The following CFAP53 variants were observed in gnomAD, a reference collection of about 807,000 sequenced individuals.
CFAP53 encodes the protein cilia and flagella associated protein 53.
Under a neutral mutation model 59.7 loss-of-function variants are expected in CFAP53, and 62 were observed. The observed-to-expected ratio is 1.04, with a 90% confidence interval of 0.85 to 1.28. CFAP53 has a LOEUF of 1.28. Among genes scored for constraint, CFAP53 ranks in the 50% most tolerant of loss-of-function variants. The pLI, the probability that CFAP53 is intolerant of heterozygous loss-of-function variation, is 0.00. For synonymous variants in CFAP53, 218 were observed against 205.7 expected, an observed-to-expected ratio of 1.06 and a Z score of -0.51; for missense variants, 629 against 615.6, an observed-to-expected ratio of 1.02 and a Z score of -0.23.
At chr18:50,262,777 T>C (rs1186272057) in intron 1 of CFAP53, among the ~76,000 whole-genome samples, 3 of 152,198 alleles carry the variant, frequency 2.0e-5, no homozygotes, top group African/African-American at 4.8e-5. Context: ...TATATGGATA[T>C]ATAACGAGTT....
At chr18:50,243,181 T>TA (rs56164126) in intron 5 of CFAP53, 65 bp from the exon 6 acceptor site, 345,134 of 1,040,502 alleles carry the variant, frequency 0.33, 65,583 homozygotes, top group Non-Finnish European at 0.38. Flanking sequence ...AGGATACATT[T>TA]AAAAAAAATC....
At chr18:50,264,828 C>T (rs191904281) in intron 1 of CFAP53, among the ~76,000 whole-genome samples, 2 of 152,306 alleles carry the variant, frequency 1.3e-5, no homozygotes, top group East Asian at 1.9e-4. Context: ...ATGGCTCAGC[C>T]CCTGAGCCCA....
rs369588820 is a variant in CFAP53 at position 50,250,781 on chromosome 18, C to T, written c.973G>A (p.Ala325Thr). ...QRALQDLQEE[A>T]DKKKQKREDM... is the part of the protein sequence containing the mutation. ...ACTCTTTTTTGTTTCTTTTTATCTG[C>T]CTCTTCCTGTAAGTCTTGAAGGGCC... Residue 325 changes from alanine to threonine, a missense_variant, in exon 5 of 8, where the codon GCA becomes ACA. By Grantham distance (58) the Ala-to-Thr change is moderately conservative. Coordinates refer to ENST00000398545, the MANE Select transcript of CFAP53 (RefSeq NM_145020.5). The T allele has an allele frequency of 6.2e-7, 1 of 1,614,042 alleles. No individual in the cohort carries two copies. The highest frequency in any genetic ancestry group is 1.3e-5 in the African/African-American group (1 of 74,926).
rs761556250 is a variant in CFAP53 at position 50,262,028 on chromosome 18, CACA to C, written c.258_260del (p.Val87del). The C allele has an allele frequency of 4.3e-6, 7 of 1,613,972 alleles. No homozygotes were observed. The highest frequency in any genetic ancestry group is 4.2e-6 in the Non-Finnish European group (5 of 1,179,956). On this transcript the variant is annotated inframe_deletion, in exon 2 of 8. Coordinates refer to ENST00000398545, the MANE Select transcript of CFAP53 (RefSeq NM_145020.5). ...CTTCAATGTTAATGATAAACCCTTG[CACA>C]GCATCCTTGATTCTTGCTCGCACAA...
chr18:50,233,947 G>C (rs1173950468), intron 7 of CFAP53, among the ~76,000 whole-genome samples: 1 of 152,242 alleles, frequency 6.6e-6, no homozygotes, highest in African/African-American at 2.4e-5. Flanking sequence ...TGACGGAGCA[G>C]ATTGGGAAGG....
intron 7 of CFAP53, among the ~76,000 whole-genome samples, chr18:50,228,963 G>A (rs917076645): frequency 6.6e-6 from 1 of 152,170 alleles, no homozygotes; most frequent in East Asian, 1.9e-4. Flanking sequence ...AGCCAGGCAT[G>A]GTGGCATGTG....
chr18:50,241,939 C>A (rs2033693911), intron 6 of CFAP53, among the ~76,000 whole-genome samples: 1 of 152,092 alleles, frequency 6.6e-6, no homozygotes, highest in Admixed American at 6.5e-5. Context: ...TGCAGGAGAC[C>A]AGGGCATATT....
rs774717112 is a variant in CFAP53 at position 50,227,473 on chromosome 18, C to T, written c.1453G>A (p.Asp485Asn). ...GTGGACAGGACCTCCTGGACCTTGT[C>T]CAAACACATCTTGTTTGCTGCTACA... ...AGVAANKMCL[D>N]KVQEVLSTHQ... The change falls in exon 8 of 8, where the codon GAC (aspartate) becomes AAC (asparagine). Residue 485 changes from aspartate (D) to asparagine (N), a missense_variant. By Grantham distance (23) the Asp-to-Asn change is conservative. Transcript: ENST00000398545. 6.2e-7 allele frequency: 1 copy of T among 1,614,148 alleles called. No individual in the cohort carries two copies. Among genetic ancestry groups the T allele is most frequent in the South Asian group, 1.1e-5 (1 of 91,064 alleles).
At chr18:50,237,381 C>CAT (rs1568151586) in intron 7 of CFAP53, among the ~76,000 whole-genome samples, 2 of 73,350 alleles carry the variant, frequency 2.7e-5, no homozygotes, top group African/African-American at 4.9e-5. Context: ...CACACACACA[C>CAT]ACATACACAC....
At chr18:50,260,931 T>C (rs2033886196) in intron 3 of CFAP53, 133 bp downstream of exon 3, 1 of 788,412 alleles carries the variant, frequency 1.3e-6, no homozygotes, top group African/African-American at 1.8e-5. Context: ...TGATATGTAA[T>C]ATATTGCCAA....
chr18:50,261,960 T>G (rs1186838393), intron 2 of CFAP53, 30 bp downstream of exon 2: 1 of 1,550,204 alleles, frequency 6.5e-7, no homozygotes, highest in Non-Finnish European at 8.9e-7. Context: ...GAATATTTCA[T>G]GGTTTATGTC....
intron 7 of CFAP53, among the ~76,000 whole-genome samples, chr18:50,237,017 GA>G (rs2033640297): frequency 6.6e-6 from 1 of 151,708 alleles, no homozygotes; most frequent in African/African-American, 2.4e-5. Context: ...TTTTAAAAAT[GA>G]GAAAGAGGCC....
chr18:50,249,090 C>T (rs564476153), intron 5 of CFAP53, among the ~76,000 whole-genome samples: 17 of 151,126 alleles, frequency 1.1e-4, no homozygotes, highest in African/African-American at 4.1e-4. Context: ...GTAATCCCAG[C>T]TACTCGGGAG....
chr18:50,242,501 G>A (rs964826421), intron 6 of CFAP53, among the ~76,000 whole-genome samples: 31 of 152,112 alleles, frequency 2.0e-4, no homozygotes, highest in African/African-American at 6.0e-4. Context: ...TTCTTCTGCT[G>A]TGGCTTCAGC....
chr18:50,229,157 C>T (rs1266985999), intron 7 of CFAP53, among the ~76,000 whole-genome samples: 1 of 152,132 alleles, frequency 6.6e-6, no homozygotes, highest in Non-Finnish European at 1.5e-5. Context: ...TTTAAGTGTA[C>T]AGTTCAGTAG....
intron 5 of CFAP53, among the ~76,000 whole-genome samples, chr18:50,247,254 G>A (rs2033753792): frequency 6.6e-6 from 1 of 152,122 alleles, no homozygotes; most frequent in East Asian, 1.9e-4. Flanking sequence ...ACCATAATGA[G>A]ATACCAATTC....
intron 2 of CFAP53, 84 bp downstream of exon 2, chr18:50,261,906 C>A (rs2144436752): frequency 1.9e-6 from 2 of 1,034,102 alleles, no homozygotes; most frequent in East Asian, 4.8e-5. Flanking sequence ...ATGATCCTTG[C>A]TAAATTTGAT....
At chr18:50,229,699 C>A (rs2144398964) in intron 7 of CFAP53, among the ~76,000 whole-genome samples, 1 of 151,052 alleles carries the variant, frequency 6.6e-6, no homozygotes. Context: ...AATTTATAAG[C>A]CACATTTTTT....
chr18:50,232,374 G>A (rs1212131571), intron 7 of CFAP53, among the ~76,000 whole-genome samples: 2 of 152,186 alleles, frequency 1.3e-5, no homozygotes, highest in Non-Finnish European at 1.5e-5. Context: ...GAATAAGGAG[G>A]ACAGGGCTAA....
Sources: allele counts gnomAD v4.1 joint callset (sites outside exome capture counted in the v4.1 genomes callset), GRCh38; gene constraint gnomAD v4.1.1; transcripts MANE v1.5; gene names NCBI Gene and HGNC (gene_info 2026-07-23, HGNC 2026-07-21).